The following NAV3 variants were observed in gnomAD, a reference collection of about 807,000 sequenced individuals.
NAV3 encodes the protein neuron navigator 3.
In NAV3, 87 loss-of-function variants were observed where a neutral mutation model predicts 244.7. The ratio of observed to expected loss-of-function variants is 0.36; its 90% CI spans 0.30 to 0.42. The LOEUF (loss-of-function observed/expected upper bound fraction) is 0.42. Ranked by LOEUF, NAV3 falls within the 20% of genes least tolerant of loss-of-function variation. The pLI is 1.00. For missense variants in NAV3, 2,663 were observed against 2,893.3 expected (o/e 0.92, Z 1.83); for synonymous variants, 1,126 against 1,042.2 (o/e 1.08, Z -1.55).
intron 2 of NAV3, among the ~76,000 whole-genome samples, chr12:77,660,280 A>C (rs1592553151): frequency 1.3e-5 from 2 of 152,296 alleles, no homozygotes; most frequent in East Asian, 3.9e-4. Flanking sequence ...TGGAACACAA[A>C]AATTTTACCA....
At chr12:78,160,378 A>ATTGTGTGT (rs1555184730) in intron 23 of NAV3, among the ~76,000 whole-genome samples, 1 of 134,024 alleles carries the variant, frequency 7.5e-6, no homozygotes, top group African/African-American at 2.8e-5. Context: ...AATTCTATGG[A>ATTGTGTGT]GTGTGTGTGT....
At chr12:77,687,590 C>T (rs1208785353) in intron 2 of NAV3, among the ~76,000 whole-genome samples, 1 of 152,032 alleles carries the variant, frequency 6.6e-6, no homozygotes, top group Non-Finnish European at 1.5e-5. Context: ...GAGTTTTAAA[C>T]GCACTATTGA....
At chr12:77,696,289 G>A (rs1370092461) in intron 2 of NAV3, among the ~76,000 whole-genome samples, 1 of 152,150 alleles carries the variant, frequency 6.6e-6, no homozygotes, top group Non-Finnish European at 1.5e-5. Context: ...ATAAGACTGT[G>A]ACTTCCGTCT....
At chr12:77,923,916 C>T (rs1887945562) in intron 1 of NAV3, among the ~76,000 whole-genome samples, 1 of 152,112 alleles carries the variant, frequency 6.6e-6, no homozygotes. Flanking sequence ...ATGATCTCTG[C>T]AAGGGAAATA....
intron 1 of NAV3, among the ~76,000 whole-genome samples, chr12:77,919,286 TG>T (rs1887473921): frequency 1.3e-5 from 2 of 152,054 alleles, no homozygotes; most frequent in South Asian, 4.1e-4. Context: ...AATCTTGACA[TG>T]GTATCCACAT....
At chr12:77,688,092 A>T (rs551140931) in intron 2 of NAV3, among the ~76,000 whole-genome samples, 1 of 152,092 alleles carries the variant, frequency 6.6e-6, no homozygotes, top group Non-Finnish European at 1.5e-5. Flanking sequence ...TACAAGCTCA[A>T]TTTTAACACA....
intron 3 of NAV3, among the ~76,000 whole-genome samples, chr12:77,952,751 T>C (rs1215865452): frequency 6.6e-6 from 1 of 152,180 alleles, no homozygotes; most frequent in African/African-American, 2.4e-5. Context: ...GAATTATTCT[T>C]CAATATTACA....
chr12:77,877,315 A>C (rs921763480), intron 1 of NAV3, among the ~76,000 whole-genome samples: 3 of 152,042 alleles, frequency 2.0e-5, no homozygotes, highest in Non-Finnish European at 4.4e-5. Flanking sequence ...TAAATTAATA[A>C]TTTCAATGGG....
At chr12:77,792,476 C>T (rs969297121) in intron 2 of NAV3, among the ~76,000 whole-genome samples, 4 of 152,148 alleles carry the variant, frequency 2.6e-5, no homozygotes, top group African/African-American at 9.7e-5. Context: ...CAGGGAGCAT[C>T]ATACAAGGAA....
At chr12:78,038,366 A>C (rs17044791) in intron 9 of NAV3, among the ~76,000 whole-genome samples, 5,000 of 152,278 alleles carry the variant, frequency 0.033, 286 homozygotes, top group African/African-American at 0.11. Context: ...TAAACCTGGG[A>C]AGTGATCTCT....
At chr12:77,790,537 T>C (rs1429058369) in intron 2 of NAV3, among the ~76,000 whole-genome samples, 1 of 152,210 alleles carries the variant, frequency 6.6e-6, no homozygotes, top group East Asian at 1.9e-4. Context: ...AGCTTGTTGC[T>C]GATCTTTGCA....
chr12:77,928,013 G>C (rs963336630), intron 1 of NAV3, among the ~76,000 whole-genome samples: 6 of 151,956 alleles, frequency 3.9e-5, no homozygotes, highest in African/African-American at 1.2e-4. Flanking sequence ...CTGAAGTCTG[G>C]AGTTCGAGAC....
intron 1 of NAV3, among the ~76,000 whole-genome samples, chr12:77,908,208 A>C (rs1266085024): frequency 6.6e-6 from 1 of 152,106 alleles, no homozygotes; most frequent in Non-Finnish European, 1.5e-5. Flanking sequence ...AAAACTGTTT[A>C]TTTTCACATA....
intron 3 of NAV3, among the ~76,000 whole-genome samples, chr12:77,943,097 C>T (rs1292232460): frequency 6.6e-6 from 1 of 152,140 alleles, no homozygotes; most frequent in Admixed American, 6.6e-5. Context: ...AAGCTCATAA[C>T]AATGGTTAAT....
At position 77,968,655 on chromosome 12, in the gene NAV3, T is replaced by G. The variant is rs760333273; in HGVS notation, c.624T>G (p.Pro208=). The change falls in exon 5 of 40, where the codon CCT becomes CCG. Residue 208 remains proline, a synonymous_variant. Coordinates refer to ENST00000397909, the MANE Select transcript of NAV3 (RefSeq NM_001024383.2). The part of the protein sequence containing the change: ...ELQQRVTHAS[P]PSEASQAKTQ... Reference sequence around the variant, plus strand: ...AGCAGCGAGTTACTCACGCTTCCCCTCCATCGGAAGCCAGCCAGGCCAAAA... The same window carrying G: ...AGCAGCGAGTTACTCACGCTTCCCCGCCATCGGAAGCCAGCCAGGCCAAAA... 3.1e-6 allele frequency: 5 copies of G among 1,614,012 alleles called. No individual in the cohort carries two copies. In the South Asian group the frequency reaches 3.3e-5, roughly 11 times the overall value.
intron 8 of NAV3, among the ~76,000 whole-genome samples, chr12:78,014,159 A>G (rs533669788): frequency 1.3e-5 from 2 of 152,198 alleles, no homozygotes; most frequent in East Asian, 3.9e-4. Context: ...TGTTTTCCCT[A>G]AACCTGTCTC....
intron 1 of NAV3, among the ~76,000 whole-genome samples, chr12:77,885,008 G>C (rs1883109196): frequency 6.6e-6 from 1 of 151,996 alleles, no homozygotes; most frequent in South Asian, 2.1e-4. Flanking sequence ...AGCATTTCTG[G>C]AATCTCATCT....
intron 1 of NAV3, among the ~76,000 whole-genome samples, chr12:77,879,958 T>C (rs114554159): frequency 6.6e-6 from 1 of 152,136 alleles, no homozygotes; most frequent in East Asian, 1.9e-4. Flanking sequence ...TTCTCTACTC[T>C]CATTTTCCTT....
Position 77,711,404 on chromosome 12 carries a change from C to T in NAV3, c.72+139138C>T, listed in dbSNP as rs147383659. On this transcript the variant is annotated intron_variant, in intron 2 of 8. Transcript: ENST00000550042. ...TGTTATTCCTGTTATGATGTCCTTT[C>T]CCTGACTTCAGGGGAATTGGTCAAA... Among the ~76,000 whole-genome samples the T allele has an allele frequency of 3.0e-3, 459 of 152,314 alleles. 4 individuals are homozygous for T. The highest frequency in any genetic ancestry group is 0.011 in the African/African-American group (442 of 41,568).
Sources: gnomAD v4.1 joint callset for allele counts (sites outside exome capture counted in the v4.1 genomes callset) on GRCh38, gnomAD v4.1.1 for gene constraint, MANE v1.5 for transcripts, NCBI Gene and HGNC (gene_info 2026-07-23, HGNC 2026-07-21) for gene names.